The following ADGRL3 variants were observed in gnomAD, a reference collection of about 807,000 sequenced individuals.
ADGRL3 encodes adhesion G protein-coupled receptor L3.
A neutral mutation model predicts 153.5 loss-of-function variants in ADGRL3; 62 were observed. That is an observed-to-expected ratio of 0.40 (90% confidence interval 0.33 to 0.50). The LOEUF (loss-of-function observed/expected upper bound fraction) is 0.50, where lower values mean the gene tolerates loss of function less well. Ranked by LOEUF, ADGRL3 falls within the 20% of genes least tolerant of loss-of-function variation. The probability of loss-of-function intolerance (pLI) is 0.47; values close to 1 mark genes in which losing one functional copy is unlikely to be tolerated. For missense variants in ADGRL3, 1,641 were observed against 1,859.4 expected (o/e 0.88, Z 2.16); for synonymous variants, 710 against 672.5 (o/e 1.06, Z -0.86).
At chr4:61,872,721 A>G (rs555258200) in intron 9 of ADGRL3, among the ~76,000 whole-genome samples, 22 of 152,108 alleles carry the variant, frequency 1.4e-4, no homozygotes, top group African/African-American at 5.1e-4. Flanking sequence ...AAAAAAATAT[A>G]TATGTCTTCC....
chr4:61,998,700 C>T (rs981216447), intron 21 of ADGRL3, among the ~76,000 whole-genome samples: 15 of 151,800 alleles, frequency 9.9e-5, no homozygotes, highest in South Asian at 6.2e-4. Context: ...CCCAGCCTCC[C>T]GATTAGCTGA....
At chr4:61,376,660 C>G (rs1452025375) in intron 1 of ADGRL3, among the ~76,000 whole-genome samples, 1 of 152,158 alleles carries the variant, frequency 6.6e-6, no homozygotes, top group African/African-American at 2.4e-5. Flanking sequence ...TCAGTCACAT[C>G]TGCTGTGTAT....
At chr4:61,218,280 TTTCA>T (rs2148969866) in intron 1 of ADGRL3, among the ~76,000 whole-genome samples, 1 of 151,192 alleles carries the variant, frequency 6.6e-6, no homozygotes, top group Non-Finnish European at 1.5e-5. Flanking sequence ...CATTAATCGT[TTTCA>T]TTCATTTATC....
intron 1 of ADGRL3, among the ~76,000 whole-genome samples, chr4:61,233,856 T>G (rs1342580643): frequency 1.3e-5 from 2 of 152,202 alleles, no homozygotes; most frequent in Admixed American, 1.3e-4. Context: ...TGTATAAGGT[T>G]CTAAGGAAAT....
chr4:61,573,075 G>T (rs1265950264), intron 4 of ADGRL3, among the ~76,000 whole-genome samples: 2 of 151,908 alleles, frequency 1.3e-5, no homozygotes, highest in East Asian at 1.9e-4. Context: ...GAAAGCTAGG[G>T]ATGTAAAAGC....
At chr4:61,819,273 G>T (rs567219228) in intron 9 of ADGRL3, among the ~76,000 whole-genome samples, 1 of 151,966 alleles carries the variant, frequency 6.6e-6, no homozygotes, top group South Asian at 2.1e-4. Flanking sequence ...GACAAATTAC[G>T]TTCTTTAAAT....
chr4:61,520,678 GTGTGTGTC>G (rs942716366), intron 4 of ADGRL3, among the ~76,000 whole-genome samples: 13 of 147,540 alleles, frequency 8.8e-5, no homozygotes, highest in Admixed American at 7.5e-4. Context: ...GTGTGTGTGT[GTGTGTGTC>G]TGTCTGTCTG....
At chr4:61,359,636 A>G (rs764828201) in intron 1 of ADGRL3, among the ~76,000 whole-genome samples, 1 of 152,168 alleles carries the variant, frequency 6.6e-6, no homozygotes, top group Non-Finnish European at 1.5e-5. Context: ...TTCTCAATGA[A>G]AGAGTCTTTG....
intron 1 of ADGRL3, among the ~76,000 whole-genome samples, chr4:61,239,759 G>A (rs1272568204): frequency 1.3e-5 from 2 of 152,142 alleles, no homozygotes; most frequent in African/African-American, 4.8e-5. Flanking sequence ...AGAGAAAACA[G>A]GATTTTCTTT....
At chr4:61,938,183 A>T (rs1438529373) in intron 15 of ADGRL3, among the ~76,000 whole-genome samples, 1 of 152,222 alleles carries the variant, frequency 6.6e-6, no homozygotes, top group Non-Finnish European at 1.5e-5. Flanking sequence ...ACCATCCCAG[A>T]AGTGGAAATT....
intron 9 of ADGRL3, among the ~76,000 whole-genome samples, chr4:61,824,357 A>G (rs894240757): frequency 4.7e-4 from 72 of 152,318 alleles, no homozygotes; most frequent in African/African-American, 1.7e-3. Flanking sequence ...ATCATACTGC[A>G]AAAAGAGGTC....
intron 6 of ADGRL3, among the ~76,000 whole-genome samples, chr4:61,720,465 A>G (rs2096221833): frequency 6.6e-6 from 1 of 152,182 alleles, no homozygotes; most frequent in South Asian, 2.1e-4. Context: ...TGAAATCACA[A>G]TCATATTTTT....
At chr4:61,316,575 T>A (rs1251261586) in intron 1 of ADGRL3, among the ~76,000 whole-genome samples, 1 of 152,186 alleles carries the variant, frequency 6.6e-6, no homozygotes, top group African/African-American at 2.4e-5. Flanking sequence ...CGTAAAAAGA[T>A]CATCTGGTTG....
chr4:61,901,407 G>A (rs1219826919), intron 11 of ADGRL3, among the ~76,000 whole-genome samples: 1 of 152,128 alleles, frequency 6.6e-6, no homozygotes, highest in Non-Finnish European at 1.5e-5. Flanking sequence ...TAGAAACTAG[G>A]TTGAATCCTG....
intron 1 of ADGRL3, among the ~76,000 whole-genome samples, chr4:61,280,638 T>C (rs961730944): frequency 3.3e-5 from 5 of 152,168 alleles, no homozygotes; most frequent in South Asian, 2.1e-4. Flanking sequence ...TCAGAGTAGA[T>C]TGGCTTTCTA....
chr4:61,782,100 AT>A (rs2097220326), intron 8 of ADGRL3, among the ~76,000 whole-genome samples: 1 of 152,154 alleles, frequency 6.6e-6, no homozygotes, highest in Non-Finnish European at 1.5e-5. Flanking sequence ...TTGAAATGGG[AT>A]GAGGAGGATG....
intron 6 of ADGRL3, among the ~76,000 whole-genome samples, chr4:61,679,250 C>T (rs1373122166): frequency 1.3e-5 from 2 of 151,932 alleles, no homozygotes; most frequent in African/African-American, 4.8e-5. Flanking sequence ...AATTCATTAC[C>T]ACGGGGAGGC....
intron 21 of ADGRL3, among the ~76,000 whole-genome samples, chr4:62,005,629 C>T (rs1028453579): frequency 2.6e-5 from 4 of 151,862 alleles, no homozygotes; most frequent in African/African-American, 9.7e-5. Context: ...CCTTTATATC[C>T]CACAAGAAAT....
intron 1 of ADGRL3, among the ~76,000 whole-genome samples, chr4:61,362,790 C>G (rs545393817): frequency 1.3e-5 from 2 of 151,920 alleles, no homozygotes; most frequent in Non-Finnish European, 2.9e-5. Flanking sequence ...AGTTCAAACC[C>G]ATGTTGTTTA....
Sources: allele counts gnomAD v4.1 joint callset (sites outside exome capture counted in the v4.1 genomes callset), GRCh38; gene constraint gnomAD v4.1.1; transcripts MANE v1.5; gene names NCBI Gene and HGNC (gene_info 2026-07-23, HGNC 2026-07-21).